ASAH2: variants seen among roughly 807,000 people sequenced by gnomAD.
The protein encoded by ASAH2 is neutral ceramidase.
ASAH2 carries 58 observed loss-of-function variants against 82.9 expected under a neutral mutation model. The ratio of observed to expected loss-of-function variants is 0.70; its 90% CI spans 0.57 to 0.87. The LOEUF (loss-of-function observed/expected upper bound fraction) is 0.87. ASAH2 is among the 40% of genes least tolerant of loss of function. The pLI is 0.00. For synonymous variants in ASAH2, 276 were observed against 289.7 expected, an observed-to-expected ratio of 0.95 and a Z score of 0.48; for missense variants, 779 against 834.0, an observed-to-expected ratio of 0.93 and a Z score of 0.81.
chr10:50,218,865 T>TTCATGAAA (rs1845676008), intron 7 of ASAH2, among the ~76,000 whole-genome samples: 1 of 152,242 alleles, frequency 6.6e-6, no homozygotes, highest in Non-Finnish European at 1.5e-5. Flanking sequence ...TCATGACTAT[T>TTCATGAAA]TCATCATTGG....
chr10:50,240,648 C>T (rs1353856292), intron 4 of ASAH2: 6 of 700,262 alleles, frequency 8.6e-6, no homozygotes, highest in African/African-American at 1.7e-5. Flanking sequence ...CTCCATATGT[C>T]CTAATAGATC....
At chr10:50,245,572 T>C (rs376958631) in intron 2 of ASAH2, 118 bp from the exon 3 acceptor site, 6 of 886,122 alleles carry the variant, frequency 6.8e-6, no homozygotes, top group African/African-American at 3.4e-5. Flanking sequence ...TATTTTCTTA[T>C]ACATAAAAAT....
intron 12 of ASAH2, among the ~76,000 whole-genome samples, chr10:50,209,908 A>T (rs1258171990): frequency 1.3e-5 from 2 of 152,180 alleles, no homozygotes; most frequent in African/African-American, 2.4e-5. Flanking sequence ...CAAATACATT[A>T]AAAAATCAGA....
In ASAH2 at chr10:50,248,537, A is replaced by T. The variant is rs748449565; in HGVS notation, c.74T>A (p.Val25Glu). 3 of 1,613,776 alleles carry T rather than the reference A, an allele frequency of 1.9e-6. No individual in the cohort carries two copies. The Admixed American group carries it at 5.0e-5, about 27-fold the overall frequency. Residue 25 changes from valine to glutamate, a missense_variant, in exon 2 of 21, where the codon GTG becomes GAG. Val to Glu is a moderately radical substitution (Grantham distance 121). This residue lies in a region of ASAH2 where 759 missense variants were observed against 755.2 expected (regional missense o/e 1.00). Transcript: ENST00000682911. Reference protein sequence around the residue: ...FLLVMMSAITVALLSLLFITS... With the variant: ...FLLVMMSAITEALLSLLFITS... The stretch of plus-strand genomic sequence containing the variant: ...GATAAACAAGAGGCTGAGAAGGGCC[A>T]CTGTGATGGCACTCATCATTACAAG...
chr10:50,204,691 A>G (rs1180216208), intron 14 of ASAH2, among the ~76,000 whole-genome samples, 170 bp downstream of exon 14: 1 of 151,898 alleles, frequency 6.6e-6, no homozygotes, highest in African/African-American at 2.4e-5. Context: ...AGAGATAGTT[A>G]TTCTTCAGAG....
At chr10:50,247,447 G>A (rs995750464) in intron 2 of ASAH2, among the ~76,000 whole-genome samples, 5 of 151,886 alleles carry the variant, frequency 3.3e-5, no homozygotes, top group Admixed American at 1.3e-4. Flanking sequence ...TTATAGGTGT[G>A]AGCCACCGGG....
intron 7 of ASAH2, among the ~76,000 whole-genome samples, chr10:50,219,377 G>A (rs888572480): frequency 2.0e-5 from 3 of 152,190 alleles, no homozygotes; most frequent in Non-Finnish European, 4.4e-5. Flanking sequence ...AGGTGACCCA[G>A]AGAAGCAAAA....
Position 50,235,906 on chromosome 10 carries a change from C to CA in ASAH2, c.668dup (p.Met223IlefsTer10). The CA allele has an allele frequency of 1.2e-6, 2 of 1,613,250 alleles. No homozygotes were observed. The highest frequency in any genetic ancestry group is 4.5e-5 in the East Asian group (2 of 44,872). On this transcript the variant is annotated frameshift_variant, in exon 5 of 21. Transcript: ENST00000682911. LOFTEE classifies it high-confidence loss of function. ...TGCCTACCTTCAAGATACCAGTGAC[C>CA]ATGTGCTGAAAAGTTTGATTGCTAA...
In ASAH2 at chr10:50,187,068, A is replaced by G; in HGVS notation, c.*247T>C. On this transcript the variant is annotated 3_prime_UTR_variant, in exon 21 of 21. Transcript: ENST00000682911. Reference sequence around the variant, plus strand: ...CACAAGATATATGGCTGCTGGAGCAAGATATATGGGACAAACCTCTCTCTC... The same window carrying G: ...CACAAGATATATGGCTGCTGGAGCAGGATATATGGGACAAACCTCTCTCTC... 6.5e-6 allele frequency: 3 copies of G among 459,916 alleles called. No homozygotes were observed. Among genetic ancestry groups the G allele is most frequent in the Non-Finnish European group, 1.2e-5 (3 of 256,346 alleles). 28.5% of individuals were successfully genotyped at this position (459,916 alleles called of 1,614,324 possible). A position where few individuals can be genotyped will look rare whatever the true frequency, so the allele number is the denominator to read the frequency against.
chr10:50,203,593 T>A, intron 15 of ASAH2, 47 bp downstream of exon 15: 1 of 977,450 alleles, frequency 1.0e-6, no homozygotes, highest in Non-Finnish European at 1.6e-6. Flanking sequence ...TACTTTCCTC[T>A]TCACCAAACA....
chr10:50,239,982 A>G (rs1391316758), intron 4 of ASAH2, among the ~76,000 whole-genome samples: 2 of 151,882 alleles, frequency 1.3e-5, no homozygotes, highest in Non-Finnish European at 2.9e-5. Flanking sequence ...GGCTCCTTCC[A>G]GCATGCAACT....
intron 4 of ASAH2, 114 bp downstream of exon 4, chr10:50,243,088 G>A: frequency 8.3e-7 from 1 of 1,199,088 alleles, no homozygotes; most frequent in Non-Finnish European, 1.2e-6. Flanking sequence ...TAATATTGAA[G>A]GTAATAGAAT....
At chr10:50,249,466 G>T (rs1231522895) in intron 1 of ASAH2, among the ~76,000 whole-genome samples, 3 of 152,132 alleles carry the variant, frequency 2.0e-5, no homozygotes. Context: ...ATATAATATG[G>T]TGGTTAAAAA....
At chr10:50,223,394 T>A (rs907997179) in intron 7 of ASAH2, among the ~76,000 whole-genome samples, 23 of 152,266 alleles carry the variant, frequency 1.5e-4, no homozygotes, top group Non-Finnish European at 2.6e-4. Flanking sequence ...AGTAGGTGGT[T>A]AAATCCAGCC....
intron 16 of ASAH2, among the ~76,000 whole-genome samples, chr10:50,201,902 C>T (rs1374441772): frequency 1.3e-5 from 2 of 152,026 alleles, no homozygotes; most frequent in Non-Finnish European, 2.9e-5. Context: ...ATTTCTAGAC[C>T]TGCAATCACT....
In ASAH2 at chr10:50,187,140, A is replaced by T. The variant is rs1370518546; in HGVS notation, c.*175T>A. ...CTCTCACACACACACACACACACAC[A>T]CACACACACACACACACACACACCC... is the stretch of plus-strand genomic sequence containing the variant. On this transcript the variant is annotated 3_prime_UTR_variant, in exon 21 of 21. Coordinates refer to ENST00000682911, the MANE Select transcript of ASAH2 (RefSeq NM_019893.4). The T allele has an allele frequency of 7.1e-5, 26 of 364,620 alleles. No individual in the cohort carries two copies. Among genetic ancestry groups the T allele is most frequent in the East Asian group, 4.4e-4 (9 of 20,528 alleles). 22.6% of individuals were successfully genotyped at this position (364,620 alleles called of 1,614,324 possible). A position where few individuals can be genotyped will look rare whatever the true frequency, so the allele number is the denominator to read the frequency against.
intron 7 of ASAH2, 130 bp from the exon 8 acceptor site, chr10:50,218,760 A>G (rs1845674165): frequency 9.9e-7 from 1 of 1,012,602 alleles, no homozygotes; most frequent in African/African-American, 1.5e-5. Flanking sequence ...CTACATCTAC[A>G]TTCTTTCATT....
chr10:50,238,181 A>G (rs993371068), intron 4 of ASAH2, among the ~76,000 whole-genome samples: 5 of 152,138 alleles, frequency 3.3e-5, no homozygotes, highest in Non-Finnish European at 7.4e-5. Flanking sequence ...GAATATTTAC[A>G]AATTGGTTCT....
At position 50,245,205 on chromosome 10, in the gene ASAH2, G is replaced by T; in HGVS notation, c.360+17C>A. 1.3e-6 allele frequency: 2 copies of T among 1,577,062 alleles called. No individual in the cohort carries two copies. The highest frequency in any genetic ancestry group is 1.3e-5 in the African/African-American group (1 of 74,120). On this transcript the variant is annotated intron_variant, in intron 3 of 20. Transcript: ENST00000682911. ...ACTTGTTTCACAGTCTCCTTAAGGAGCCCATTGTCTACTTGCCAAATTGAT... is the reference window on the plus strand; with the variant it reads ...ACTTGTTTCACAGTCTCCTTAAGGATCCCATTGTCTACTTGCCAAATTGAT...
Sources: gnomAD v4.1 joint callset for allele counts (sites outside exome capture counted in the v4.1 genomes callset) on GRCh38, gnomAD v4.1.1 for gene constraint, gnomAD v4.1.1 regional missense constraint, MANE v1.5 for transcripts, NCBI Gene and HGNC (gene_info 2026-07-23, HGNC 2026-07-21) for gene names.